Variants in GALNT17 observed in about 807,000 individuals in gnomAD.
GALNT17 encodes polypeptide N-acetylgalactosaminyltransferase 17.
Under a neutral mutation model 63.7 loss-of-function variants are expected in GALNT17, and 29 were observed. The ratio of observed to expected loss-of-function variants is 0.46; its 90% CI spans 0.34 to 0.62. The LOEUF is 0.62. Among genes scored for constraint, GALNT17 ranks in the 20% least tolerant of loss-of-function variants. GALNT17 has a pLI of 0.01. For missense variants in GALNT17, 603 were observed against 799.6 expected, an observed-to-expected ratio of 0.75 and a Z score of 2.97; for synonymous variants, 305 against 318.3, an observed-to-expected ratio of 0.96 and a Z score of 0.45.
intron 9 of GALNT17, among the ~76,000 whole-genome samples, chr7:71,678,210 C>T (rs143156822): frequency 0.023 from 3,504 of 151,912 alleles, 116 homozygotes; most frequent in African/African-American, 0.065. Context: ...GTGCAACCTC[C>T]GCCTTCTGGG....
chr7:71,582,637 T>TA (rs35347182), intron 6 of GALNT17, among the ~76,000 whole-genome samples: 1 of 151,950 alleles, frequency 6.6e-6, no homozygotes, highest in Non-Finnish European at 1.5e-5. Flanking sequence ...TACTCGGCCA[T>TA]AAAAAGGAAT....
At chr7:71,169,849 C>A (rs562217959) in intron 1 of GALNT17, among the ~76,000 whole-genome samples, 2 of 152,232 alleles carry the variant, frequency 1.3e-5, no homozygotes, top group East Asian at 3.9e-4. Context: ...AGCCATTGCC[C>A]CCAGCCTTGG....
chr7:71,386,092 C>T (rs1027102842), intron 2 of GALNT17, among the ~76,000 whole-genome samples: 3 of 152,102 alleles, frequency 2.0e-5, no homozygotes, highest in South Asian at 2.1e-4. Context: ...CCTGTGAGCC[C>T]GTCAATAATC....
intron 1 of GALNT17, among the ~76,000 whole-genome samples, chr7:71,279,525 C>T (rs1286583708): frequency 6.6e-6 from 1 of 151,970 alleles, no homozygotes; most frequent in East Asian, 1.9e-4. Flanking sequence ...CTTACAAAGA[C>T]AGCAGCCATT....
intron 1 of GALNT17, among the ~76,000 whole-genome samples, chr7:71,164,045 A>G (rs963446431): frequency 1.3e-5 from 2 of 152,230 alleles, no homozygotes; most frequent in Non-Finnish European, 2.9e-5. Flanking sequence ...TATCGAGGAA[A>G]GAGCTAAACG....
chr7:71,695,306 G>T (rs1791523520), intron 9 of GALNT17, among the ~76,000 whole-genome samples: 1 of 152,084 alleles, frequency 6.6e-6, no homozygotes, highest in Non-Finnish European at 1.5e-5. Context: ...GGTTTTTGTG[G>T]CACAAAGATG....
chr7:71,262,167 A>G (rs139477198), intron 1 of GALNT17, among the ~76,000 whole-genome samples: 5,410 of 152,240 alleles, frequency 0.036, 113 homozygotes, highest in South Asian at 0.061. Context: ...GCTGGAGTGC[A>G]GTGGTGCGAT....
At chr7:71,576,541 G>GTGTA in intron 6 of GALNT17, among the ~76,000 whole-genome samples, 1 of 151,334 alleles carries the variant, frequency 6.6e-6, no homozygotes, top group Non-Finnish European at 1.5e-5. Context: ...GTGTGTGTGT[G>GTGTA]TGTGTGTGTG....
At chr7:71,699,303 C>T (rs966368678) in intron 9 of GALNT17, among the ~76,000 whole-genome samples, 1 of 151,108 alleles carries the variant, frequency 6.6e-6, no homozygotes, top group African/African-American at 2.4e-5. Flanking sequence ...CATGGTGAAA[C>T]CCCGTCTCTA....
chr7:71,539,492 T>A (rs535818847), intron 5 of GALNT17, among the ~76,000 whole-genome samples: 21 of 152,304 alleles, frequency 1.4e-4, no homozygotes, highest in East Asian at 1.4e-3. Flanking sequence ...CAAAGATGTG[T>A]GTGCGTGCAC....
intron 5 of GALNT17, among the ~76,000 whole-genome samples, chr7:71,519,922 T>G (rs1788502834): frequency 6.6e-6 from 1 of 152,094 alleles, no homozygotes; most frequent in Non-Finnish European, 1.5e-5. Flanking sequence ...TGAAAACGTC[T>G]CCAATAAAAT....
intron 3 of GALNT17, among the ~76,000 whole-genome samples, chr7:71,415,664 G>A (rs2066984): frequency 0.51 from 78,021 of 151,936 alleles, 21,570 homozygotes; most frequent in Non-Finnish European, 0.62. Flanking sequence ...TTCCCATCCC[G>A]CTGTACGGAT....
chr7:71,493,779 A>G lies in GALNT17; in HGVS notation c.962+72674A>G, dbSNP rs145414930. Among the ~76,000 whole-genome samples the G allele has an allele frequency of 1.1e-4, 17 of 152,226 alleles. No individual in the cohort carries two copies. In the East Asian group the frequency reaches 3.1e-3, roughly 28 times the overall value. ...TCCCTTCTGTCCCCTCCACTTCTCCATCCTTCTCCTCATCATCCCATCTCC... is the reference window on the plus strand; with the variant it reads ...TCCCTTCTGTCCCCTCCACTTCTCCGTCCTTCTCCTCATCATCCCATCTCC... On this transcript the variant is annotated intron_variant, in intron 5 of 10. Transcript: ENST00000333538.
intron 1 of GALNT17, among the ~76,000 whole-genome samples, chr7:71,236,671 T>C (rs1173900093): frequency 1.3e-5 from 2 of 152,156 alleles, no homozygotes; most frequent in Non-Finnish European, 2.9e-5. Flanking sequence ...CCAGGCTGTG[T>C]GCTGATGCAA....
intron 6 of GALNT17, among the ~76,000 whole-genome samples, chr7:71,646,891 T>C (rs1321691922): frequency 6.7e-6 from 1 of 149,738 alleles, no homozygotes; most frequent in Non-Finnish European, 1.5e-5. Flanking sequence ...GGACTACAGG[T>C]GCCCGCCACC....
chr7:71,709,937 A>G (rs1791769022), intron 9 of GALNT17, among the ~76,000 whole-genome samples: 1 of 147,890 alleles, frequency 6.8e-6, no homozygotes, highest in African/African-American at 2.7e-5. Context: ...ATTATTTTAG[A>G]TTTTTGTTTC....
At chr7:71,667,518 AT>A (rs1263501854) in intron 7 of GALNT17, among the ~76,000 whole-genome samples, 1 of 152,176 alleles carries the variant, frequency 6.6e-6, no homozygotes, top group East Asian at 1.9e-4. Flanking sequence ...ATAAACATGG[AT>A]TATTAAAATT....
chr7:71,678,699 G>A (rs1157592039), intron 9 of GALNT17, among the ~76,000 whole-genome samples: 1 of 151,904 alleles, frequency 6.6e-6, no homozygotes, highest in Non-Finnish European at 1.5e-5. Context: ...GGAGGCTGAG[G>A]CAGGAGAATA....
At chr7:71,421,562 G>A (rs1020499103) in intron 5 of GALNT17, among the ~76,000 whole-genome samples, 2 of 152,148 alleles carry the variant, frequency 1.3e-5, no homozygotes, top group African/African-American at 4.8e-5. Flanking sequence ...ATGTTGGGGA[G>A]CTCTTTATGG....
Sources: gnomAD v4.1 joint callset for allele counts (sites outside exome capture counted in the v4.1 genomes callset) on GRCh38, gnomAD v4.1.1 for gene constraint, MANE v1.5 for transcripts, NCBI Gene and HGNC (gene_info 2026-07-23, HGNC 2026-07-21) for gene names.